TRPM3: variants seen among roughly 807,000 people sequenced by gnomAD.
The protein encoded by TRPM3 is transient receptor potential cation channel subfamily M member 3, also known as long transient receptor potential channel 3.
Under a neutral mutation model 181.2 loss-of-function variants are expected in TRPM3, and 77 were observed. That is an observed-to-expected ratio of 0.42 (90% CI 0.35 to 0.51). The LOEUF (loss-of-function observed/expected upper bound fraction) is 0.51. Ranked by LOEUF, TRPM3 falls within the 20% of genes least tolerant of loss-of-function variation. The probability of loss-of-function intolerance (pLI) is 0.01; values close to 1 mark genes in which losing one functional copy is unlikely to be tolerated. For synonymous variants in TRPM3, 745 were observed against 796.4 expected, an observed-to-expected ratio of 0.94 and a Z score of 1.09; for missense variants, 1,759 against 2,196.7, an observed-to-expected ratio of 0.80 and a Z score of 3.98.
At chr9:71,302,527 T>C (rs980791242) in intron 1 of TRPM3, among the ~76,000 whole-genome samples, 1 of 152,242 alleles carries the variant, frequency 6.6e-6, no homozygotes, top group Non-Finnish European at 1.5e-5. Flanking sequence ...ACAGTCATTG[T>C]ATTCCTTGAA....
At chr9:71,312,928 T>C (rs772765849) in intron 1 of TRPM3, among the ~76,000 whole-genome samples, 47 of 152,084 alleles carry the variant, frequency 3.1e-4, no homozygotes, top group Non-Finnish European at 6.0e-4. Context: ...ACGAAGGATT[T>C]TTTGGGCAGT....
intron 1 of TRPM3, among the ~76,000 whole-genome samples, chr9:71,264,270 T>C (rs1187104822): frequency 2.0e-5 from 3 of 152,134 alleles, no homozygotes; most frequent in Non-Finnish European, 4.4e-5. Flanking sequence ...TGGAATGGTG[T>C]GCCCCCTCTC....
intron 1 of TRPM3, among the ~76,000 whole-genome samples, chr9:71,148,665 C>CA (rs898731030): frequency 3.9e-5 from 6 of 152,000 alleles, no homozygotes; most frequent in East Asian, 1.9e-4. Context: ...ATAAAGGCCA[C>CA]AAAAAAGGCA....
chr9:71,283,597 C>T (rs1017427343), intron 1 of TRPM3, among the ~76,000 whole-genome samples: 4 of 152,208 alleles, frequency 2.6e-5, no homozygotes, highest in African/African-American at 7.2e-5. Context: ...GCCACCATGT[C>T]CGGCCTCCTT....
intron 8 of TRPM3, among the ~76,000 whole-genome samples, chr9:70,696,010 A>G (rs1356848288): frequency 2.6e-4 from 39 of 152,190 alleles, no homozygotes; most frequent in Admixed American, 2.6e-3. Flanking sequence ...GAGACCAGAC[A>G]GAGACTCACG....
chr9:71,427,188 A>G (rs2093879538), intron 1 of TRPM3, among the ~76,000 whole-genome samples: 1 of 152,080 alleles, frequency 6.6e-6, no homozygotes, highest in African/African-American at 2.4e-5. Context: ...GTTGTTGTTG[A>G]TAGACTCAAA....
intron 1 of TRPM3, among the ~76,000 whole-genome samples, chr9:70,946,055 T>C (rs369331896): frequency 6.6e-6 from 1 of 152,202 alleles, no homozygotes; most frequent in African/African-American, 2.4e-5. Context: ...CTGTGGATAG[T>C]ACAAATGATC....
At chr9:71,420,999 A>AAG (rs749574468) in intron 1 of TRPM3, among the ~76,000 whole-genome samples, 3,385 of 110,752 alleles carry the variant, frequency 0.031, 167 homozygotes, top group African/African-American at 0.05. Context: ...GAGAGAGAAA[A>AAG]AGAGAGAAAA....
intron 1 of TRPM3, among the ~76,000 whole-genome samples, chr9:70,956,428 C>A (rs2097073167): frequency 6.7e-6 from 1 of 148,200 alleles, no homozygotes. Flanking sequence ...GTCTGCAAGG[C>A]AAATGGAATA....
At chr9:70,978,158 G>C (rs1171767259) in intron 1 of TRPM3, among the ~76,000 whole-genome samples, 1 of 152,224 alleles carries the variant, frequency 6.6e-6, no homozygotes, top group African/African-American at 2.4e-5. Flanking sequence ...AAATTCCAAG[G>C]GTTTTAGAAG....
chr9:71,113,727 T>G (rs1161113678), intron 1 of TRPM3, among the ~76,000 whole-genome samples: 1 of 152,218 alleles, frequency 6.6e-6, no homozygotes, highest in Non-Finnish European at 1.5e-5. Context: ...ACATTTTGAA[T>G]CTATATAAAT....
At chr9:70,948,601 A>T (rs1419318771) in intron 1 of TRPM3, among the ~76,000 whole-genome samples, 3 of 152,176 alleles carry the variant, frequency 2.0e-5, no homozygotes, top group Non-Finnish European at 4.4e-5. Flanking sequence ...AATTGGAGAG[A>T]CTGTCTTCAA....
At chr9:71,168,560 A>AGC (rs2076661279) in intron 1 of TRPM3, among the ~76,000 whole-genome samples, 1 of 32,204 alleles carries the variant, frequency 3.1e-5, no homozygotes, top group Non-Finnish European at 7.1e-5. Context: ...TTATTTATTT[A>AGC]TTTATTTATT....
chr9:70,857,483 A>G (rs996222187), intron 3 of TRPM3, among the ~76,000 whole-genome samples: 2 of 152,176 alleles, frequency 1.3e-5, no homozygotes, highest in Admixed American at 1.3e-4. Context: ...CATCAACCTC[A>G]TTAAACAATA....
At chr9:71,426,704 G>A (rs984860855) in intron 1 of TRPM3, among the ~76,000 whole-genome samples, 2 of 152,096 alleles carry the variant, frequency 1.3e-5, no homozygotes, top group Non-Finnish European at 2.9e-5. Context: ...AGGTTTTGCT[G>A]TGAAAAGCTT....
chr9:71,246,512 T>C (rs1430424602), intron 1 of TRPM3, among the ~76,000 whole-genome samples: 1 of 152,124 alleles, frequency 6.6e-6, no homozygotes, highest in African/African-American at 2.4e-5. Context: ...CTGGCCATAA[T>C]ATAAAATGGA....
intron 1 of TRPM3, among the ~76,000 whole-genome samples, chr9:70,940,511 A>G (rs913139188): frequency 6.6e-6 from 1 of 152,222 alleles, no homozygotes; most frequent in Non-Finnish European, 1.5e-5. Context: ...GCTAAGTGCT[A>G]TGCTAGGTGA....
intron 6 of TRPM3, chr9:70,793,696 A>C (rs1399344420): frequency 2.1e-6 from 1 of 468,442 alleles, no homozygotes; most frequent in African/African-American, 2.0e-5. Context: ...AACTATGAAA[A>C]CCTGGCAGGA....
intron 1 of TRPM3, among the ~76,000 whole-genome samples, chr9:70,972,882 A>C (rs2097261092): frequency 6.6e-6 from 1 of 152,158 alleles, no homozygotes; most frequent in Admixed American, 6.5e-5. Context: ...GATCAGAAGC[A>C]TGGATTGACA....
Sources: allele counts gnomAD v4.1 joint callset (sites outside exome capture counted in the v4.1 genomes callset), GRCh38; gene constraint gnomAD v4.1.1; transcripts MANE v1.5; gene names NCBI Gene and HGNC (gene_info 2026-07-23, HGNC 2026-07-21).